The following TGFBR3 variants were observed in gnomAD, a reference collection of about 807,000 sequenced individuals.
TGFBR3 encodes the protein transforming growth factor beta receptor type 3.
Under a neutral mutation model 87.9 loss-of-function variants are expected in TGFBR3, and 46 were observed. The ratio of observed to expected loss-of-function variants is 0.52; its 90% CI spans 0.41 to 0.67. TGFBR3 has a LOEUF of 0.67. Among genes scored for constraint, TGFBR3 ranks in the 30% least tolerant of loss-of-function variants. The probability of loss-of-function intolerance (pLI) is 0.00; values close to 1 mark genes in which losing one functional copy is unlikely to be tolerated. For synonymous variants in TGFBR3, 381 were observed against 391.6 expected, an observed-to-expected ratio of 0.97 and a Z score of 0.32; for missense variants, 866 against 1,041.9, an observed-to-expected ratio of 0.83 and a Z score of 2.32.
At chr1:91,748,718 G>C (rs1359082040) in intron 4 of TGFBR3, among the ~76,000 whole-genome samples, 2 of 105,802 alleles carry the variant, frequency 1.9e-5, no homozygotes, top group Non-Finnish European at 4.0e-5. Flanking sequence ...TACCATTCTG[G>C]AAAGTATTAT....
chr1:91,682,566 G>T lies in TGFBR3; in HGVS notation c.*1173C>A, dbSNP rs759611426. On this transcript the variant is annotated 3_prime_UTR_variant, in exon 17 of 17. Coordinates refer to ENST00000212355, the MANE Select transcript of TGFBR3 (RefSeq NM_003243.5). ...GCAAGAGAAGTAAGGCAATCCAAAT[G>T]AGTGCCCTTTTCCAATCTCAGCACT... is the stretch of plus-strand genomic sequence containing the variant. 2.2e-6 allele frequency: 1 copy of T among 453,702 alleles called. No individual in the cohort carries two copies. The highest frequency in any genetic ancestry group is 2.0e-5 in the African/African-American group (1 of 49,946). The allele number at this position is 453,702 out of a possible 1,614,324, so 28.1% of individuals were successfully genotyped here. A position where few individuals can be genotyped will look rare whatever the true frequency, so the allele number is the denominator to read the frequency against.
At chr1:91,783,724 G>C (rs936913784) in intron 3 of TGFBR3, among the ~76,000 whole-genome samples, 1 of 152,004 alleles carries the variant, frequency 6.6e-6, no homozygotes, top group Non-Finnish European at 1.5e-5. Flanking sequence ...GTAAACAAAG[G>C]AAAAAGCCAT....
chr1:91,763,058 C>T (rs1376579214), intron 3 of TGFBR3, among the ~76,000 whole-genome samples: 1 of 152,118 alleles, frequency 6.6e-6, no homozygotes, highest in South Asian at 2.1e-4. Flanking sequence ...CTTTGATAAG[C>T]AAAAACTATC....
intron 1 of TGFBR3, among the ~76,000 whole-genome samples, chr1:91,885,332 CAAG>C (rs1679250184): frequency 7.3e-6 from 1 of 136,900 alleles, no homozygotes; most frequent in African/African-American, 2.8e-5. Context: ...CAAATGAATA[CAAG>C]AAGAGAGCCT....
chr1:91,862,464 G>GA (rs905183652), intron 1 of TGFBR3, among the ~76,000 whole-genome samples: 10 of 152,274 alleles, frequency 6.6e-5, no homozygotes, highest in African/African-American at 2.2e-4. Flanking sequence ...ATTTTAACAG[G>GA]AAAAAAGTCT....
chr1:91,732,552 G>A (rs897103714), intron 5 of TGFBR3, among the ~76,000 whole-genome samples: 4 of 152,176 alleles, frequency 2.6e-5, no homozygotes, highest in African/African-American at 7.2e-5. Flanking sequence ...GAGCCAGGTC[G>A]GATTCTGGGA....
chr1:91,711,120 A>G (rs1290123326), intron 13 of TGFBR3, among the ~76,000 whole-genome samples: 5 of 152,142 alleles, frequency 3.3e-5, no homozygotes, highest in Non-Finnish European at 5.9e-5. Context: ...GAAGCTCCTC[A>G]TGGCTCTCTA....
chr1:91,878,583 T>C (rs2101275497), intron 1 of TGFBR3, among the ~76,000 whole-genome samples: 1 of 152,316 alleles, frequency 6.6e-6, no homozygotes, highest in African/African-American at 2.4e-5. Context: ...TTCTCACCTA[T>C]AAAAGGTAGT....
chr1:91,803,511 A>G (rs1281610970), intron 2 of TGFBR3, among the ~76,000 whole-genome samples: 1 of 151,254 alleles, frequency 6.6e-6, no homozygotes, highest in Non-Finnish European at 1.5e-5. Flanking sequence ...CTTGATGAAC[A>G]TGGAGCCACG....
At chr1:91,893,120 C>T (rs569697063) in intron 2 of TGFBR3, among the ~76,000 whole-genome samples, 6 of 152,224 alleles carry the variant, frequency 3.9e-5, no homozygotes, top group Non-Finnish European at 7.4e-5. Context: ...TTATTGAGCA[C>T]TTATTTTGTG....
intron 2 of TGFBR3, among the ~76,000 whole-genome samples, chr1:91,798,696 T>C (rs1675483547): frequency 6.6e-6 from 1 of 152,206 alleles, no homozygotes; most frequent in East Asian, 1.9e-4. Context: ...CTGTGGGTAC[T>C]CATCTTTGTA....
intron 3 of TGFBR3, 48 bp from the exon 4 acceptor site, chr1:91,758,798 T>C (rs778274511): frequency 1.2e-6 from 2 of 1,612,332 alleles, no homozygotes; most frequent in Non-Finnish European, 1.7e-6. Context: ...TGGCTTTCCA[T>C]GAAAATCACT....
chr1:91,682,085 A>C lies in TGFBR3; in HGVS notation c.*1654T>G, dbSNP rs1436055293. On this transcript the variant is annotated 3_prime_UTR_variant, in exon 17 of 17. Coordinates refer to ENST00000212355, the MANE Select transcript of TGFBR3 (RefSeq NM_003243.5). The stretch of plus-strand genomic sequence containing the variant: ...TCCTTATTGAATGTGTATATCTATC[A>C]GGTAAGTCATATTATTACTCAACGA... 2.2e-6 allele frequency: 1 copy of C among 454,012 alleles called. No individual in the cohort carries two copies. The highest frequency in any genetic ancestry group is 2.3e-5 in the Admixed American group (1 of 42,562). The allele number at this position is 454,012 out of a possible 1,614,324, so 28.1% of individuals were successfully genotyped here.
intron 2 of TGFBR3, among the ~76,000 whole-genome samples, chr1:91,817,030 C>G (rs533751770): frequency 9.5e-4 from 144 of 152,264 alleles, no homozygotes; most frequent in African/African-American, 3.2e-3. Context: ...CCCTAAGAAA[C>G]AAGAATTACT....
chr1:91,875,339 G>A (rs960739173), intron 1 of TGFBR3, among the ~76,000 whole-genome samples: 2 of 152,148 alleles, frequency 1.3e-5, no homozygotes, highest in African/African-American at 2.4e-5. Context: ...TGTGGAGGCT[G>A]TGGACCACAG....
At chr1:91,856,623 C>T (rs1677965757) in intron 2 of TGFBR3, among the ~76,000 whole-genome samples, 1 of 152,152 alleles carries the variant, frequency 6.6e-6, no homozygotes, top group South Asian at 2.1e-4. Flanking sequence ...ACAACCTTCA[C>T]CCCTCTGCTG....
intron 1 of TGFBR3, among the ~76,000 whole-genome samples, chr1:91,865,130 G>A (rs1678342141): frequency 6.7e-6 from 1 of 148,940 alleles, no homozygotes; most frequent in South Asian, 2.1e-4. Context: ...TTGAACCCAG[G>A]AGAGGGAAAT....
chr1:91,829,398 A>G (rs1012886544), intron 2 of TGFBR3, among the ~76,000 whole-genome samples: 1 of 151,420 alleles, frequency 6.6e-6, no homozygotes, highest in Non-Finnish European at 1.5e-5. Context: ...AAACAAACAA[A>G]AAAAAAAAAA....
chr1:91,680,970 A>G lies in TGFBR3; in HGVS notation c.*2769T>C, dbSNP rs752658461. On this transcript the variant is annotated 3_prime_UTR_variant, in exon 17 of 17. Coordinates refer to ENST00000212355, the MANE Select transcript of TGFBR3 (RefSeq NM_003243.5). ...GGTAAACACCACATGGTGAAAAGCT[A>G]TAGCGTATTATACAGACAATCTGCC... The G allele has an allele frequency of 1.2e-4, 53 of 454,046 alleles. No individual in the cohort carries two copies. In the East Asian group the frequency reaches 1.8e-3, roughly 15 times the overall value. The allele number at this position is 454,046 out of a possible 1,614,324, so 28.1% of individuals were successfully genotyped here. A position where few individuals can be genotyped will look rare whatever the true frequency, so the allele number is the denominator to read the frequency against.
Sources: gnomAD v4.1 joint callset for allele counts (sites outside exome capture counted in the v4.1 genomes callset) on GRCh38, gnomAD v4.1.1 for gene constraint, MANE v1.5 for transcripts, NCBI Gene and HGNC (gene_info 2026-07-23, HGNC 2026-07-21) for gene names.